Variants in PCDH11X observed in about 807,000 individuals in gnomAD.
PCDH11X encodes protocadherin 11 X-linked.
Under a neutral mutation model 53.3 loss-of-function variants are expected in PCDH11X, and 18 were observed. The ratio of observed to expected loss-of-function variants is 0.34; its 90% CI spans 0.23 to 0.50. The LOEUF is 0.50. Among genes scored for constraint, PCDH11X ranks in the 20% least tolerant of loss-of-function variants. The probability of loss-of-function intolerance (pLI) is 0.98; values close to 1 mark genes in which losing one functional copy is unlikely to be tolerated. For missense variants in PCDH11X, 570 were observed against 1,032.4 expected, an observed-to-expected ratio of 0.55 and a Z score of 6.14; for synonymous variants, 279 against 393.3, an observed-to-expected ratio of 0.71 and a Z score of 3.44.
intron 10 of PCDH11X, among the ~76,000 whole-genome samples, chrX:92,529,105 G>T: frequency 9.0e-6 from 1 of 111,511 alleles, no homozygotes; most frequent in South Asian, 3.8e-4. Flanking sequence ...ATTTTTATGG[G>T]TTTATAGGAT....
intron 8 of PCDH11X, among the ~76,000 whole-genome samples, chrX:92,268,071 G>A (rs1283942903): frequency 4.5e-5 from 5 of 112,053 alleles, no homozygotes; most frequent in African/African-American, 1.6e-4. Context: ...CAGTAACACT[G>A]AGATTTTTTC....
chrX:92,270,372 C>A (rs2067928925), intron 8 of PCDH11X, among the ~76,000 whole-genome samples: 1 of 111,419 alleles, frequency 9.0e-6, no homozygotes, highest in African/African-American at 3.3e-5. Flanking sequence ...GATCTGCCCT[C>A]CTCAGCCTCC....
intron 6 of PCDH11X, among the ~76,000 whole-genome samples, chrX:92,172,543 C>A (rs961242946): frequency 3.7e-5 from 4 of 108,898 alleles, no homozygotes; most frequent in African/African-American, 1.3e-4. Flanking sequence ...GTGTGTGCCA[C>A]CATGCCCAGC....
At chrX:92,045,183 C>T (rs1602745862) in intron 6 of PCDH11X, among the ~76,000 whole-genome samples, 1 of 109,476 alleles carries the variant, frequency 9.1e-6, no homozygotes, top group African/African-American at 3.4e-5. Context: ...GTTTTAGAAG[C>T]TCAGGGGGAT....
At chrX:92,218,644 G>C (rs1364821443) in intron 7 of PCDH11X, among the ~76,000 whole-genome samples, 1 of 111,253 alleles carries the variant, frequency 9.0e-6, no homozygotes, top group South Asian at 3.8e-4. Flanking sequence ...ACCATTCCTT[G>C]TGAAACTATT....
intron 9 of PCDH11X, among the ~76,000 whole-genome samples, chrX:92,420,168 G>A (rs2148614276): frequency 9.0e-6 from 1 of 111,654 alleles, no homozygotes; most frequent in South Asian, 3.7e-4. Flanking sequence ...AAATGTGGAA[G>A]TTTTACCATG....
intron 10 of PCDH11X, among the ~76,000 whole-genome samples, chrX:92,484,139 A>T (rs1371452151): frequency 8.0e-5 from 3 of 37,283 alleles, no homozygotes; most frequent in African/African-American, 2.8e-4. Context: ...GTATATATGT[A>T]TGTATATATA....
At position 92,101,221 on chromosome X, in the gene PCDH11X, A is replaced by G. The variant is rs761187814; in HGVS notation, c.3034-100154A>G. ...TGAGTAGTTGAGAACGGAGAATAGG[A>G]GTATGACTAGACAGAAAATAGTAGG... On this transcript the variant is annotated intron_variant, in intron 6 of 10. Coordinates refer to ENST00000682573, the MANE Select transcript of PCDH11X (RefSeq NM_032968.5). Among the ~76,000 whole-genome samples the G allele has an allele frequency of 2.2e-4, 25 of 111,471 alleles. No individual in the cohort carries two copies. The South Asian group carries it at 9.5e-3, about 42-fold the overall frequency.
intron 6 of PCDH11X, among the ~76,000 whole-genome samples, chrX:92,150,196 T>G (rs769002586): frequency 8.9e-6 from 1 of 112,125 alleles, no homozygotes; most frequent in South Asian, 3.6e-4. Context: ...ATAGTGGTTA[T>G]GAAATTTTGC....
chrX:92,494,602 T>C (rs756703684), intron 10 of PCDH11X, among the ~76,000 whole-genome samples: 54 of 111,760 alleles, frequency 4.8e-4, no homozygotes, highest in Admixed American at 1.1e-3. Context: ...CCGGCACCAC[T>C]GTAATCCATT....
chrX:92,312,531 T>G (rs2148483102), intron 8 of PCDH11X, among the ~76,000 whole-genome samples: 1 of 110,631 alleles, frequency 9.0e-6, no homozygotes, highest in African/African-American at 3.3e-5. Context: ...CTACTCAGAT[T>G]AATAATATCA....
intron 8 of PCDH11X, among the ~76,000 whole-genome samples, chrX:92,289,214 A>G (rs1397416459): frequency 1.8e-5 from 2 of 110,997 alleles, no homozygotes; most frequent in East Asian, 2.8e-4. Context: ...ATAAGCTATT[A>G]CTATTATATG....
rs1928588250 is a variant in PCDH11X at position 92,622,553 on chromosome X, T to G, written c.*3613T>G. The G allele has an allele frequency of 9.0e-6, 1 of 111,307 alleles. No homozygotes were observed. The highest frequency in any genetic ancestry group is 3.3e-5 in the African/African-American group (1 of 30,754). 9.2% of individuals were successfully genotyped at this position (111,307 alleles called of 1,213,427 possible). On this transcript the variant is annotated 3_prime_UTR_variant, in exon 11 of 11. Coordinates refer to ENST00000682573, the MANE Select transcript of PCDH11X (RefSeq NM_032968.5). ...TTTCTTATCTTTCTTCTTTTATATTTTTTGGAAACCAAATTTATAGTTAGT... is the reference window on the plus strand; with the variant it reads ...TTTCTTATCTTTCTTCTTTTATATTGTTTGGAAACCAAATTTATAGTTAGT...
chrX:92,054,820 C>CAAAA (rs1174448342), intron 6 of PCDH11X, among the ~76,000 whole-genome samples: 18 of 25,336 alleles, frequency 7.1e-4, no homozygotes, highest in African/African-American at 8.7e-4. Context: ...AACTCTGTCT[C>CAAAA]AAAAAAAAAA....
At chrX:91,871,927 A>G (rs1251289018) in intron 5 of PCDH11X, among the ~76,000 whole-genome samples, 2 of 111,328 alleles carry the variant, frequency 1.8e-5, no homozygotes, top group Non-Finnish European at 1.9e-5. Flanking sequence ...TAGAAAGTCC[A>G]TGCATTTTTC....
intron 4 of PCDH11X, among the ~76,000 whole-genome samples, chrX:91,819,999 A>T (rs1200716729): frequency 6.2e-5 from 6 of 97,035 alleles, no homozygotes; most frequent in Admixed American, 5.7e-4. Context: ...AAGGACATGA[A>T]CTCATCATAT....
intron 8 of PCDH11X, among the ~76,000 whole-genome samples, chrX:92,272,976 T>G (rs2067992071): frequency 1.8e-5 from 2 of 112,736 alleles, no homozygotes; most frequent in Non-Finnish European, 3.7e-5. Context: ...CTTACTCATT[T>G]AGGTGTAACA....
chrX:91,952,506 T>C (rs1251862358), intron 6 of PCDH11X, among the ~76,000 whole-genome samples: 8 of 111,302 alleles, frequency 7.2e-5, no homozygotes, highest in Non-Finnish European at 1.5e-4. Context: ...CTCTAGAATA[T>C]AATAGCTGTT....
chrX:92,392,462 A>C (rs1413226887), intron 9 of PCDH11X, among the ~76,000 whole-genome samples: 2 of 110,096 alleles, frequency 1.8e-5, no homozygotes, highest in African/African-American at 3.3e-5. Flanking sequence ...ACTTTGATTG[A>C]TCTTCTACCA....
Sources: allele counts gnomAD v4.1 joint callset (sites outside exome capture counted in the v4.1 genomes callset), GRCh38; gene constraint gnomAD v4.1.1; transcripts MANE v1.5; gene names NCBI Gene and HGNC (gene_info 2026-07-23, HGNC 2026-07-21).